The following RBFOX3 variants were observed in gnomAD, a reference collection of about 807,000 sequenced individuals.
RBFOX3 encodes the protein RNA binding fox-1 homolog 3, also known as RNA binding protein fox-1 homolog 3.
In RBFOX3, 17 loss-of-function variants were observed where a neutral mutation model predicts 48.7. The ratio of observed to expected loss-of-function variants is 0.35; its 90% CI spans 0.24 to 0.52. The LOEUF is 0.52. RBFOX3 is among the 20% of genes least tolerant of loss of function. The pLI is 0.94. For synonymous variants in RBFOX3, 212 were observed against 209.5 expected (o/e 1.01, Z -0.10); for missense variants, 382 against 497.5 (o/e 0.77, Z 2.21).
rs1349724968 is a variant in RBFOX3, at chr17:79,554,464, C to CTCCATCTTCACTCACAGTCACCCCCG, written c.-320+56361_-320+56362insCGGGGGTGACTGTGAGTGAAGATGGA. 2.3e-3 allele frequency among the ~76,000 whole-genome samples: 174 copies of CTCCATCTTCACTCACAGTCACCCCCG among 74,384 alleles called. 13 individuals are homozygous for CTCCATCTTCACTCACAGTCACCCCCG. The highest frequency in any genetic ancestry group is 6.3e-3 in the Middle Eastern group (1 of 158). The allele number at this position is 74,384 out of a possible 152,430, so 48.8% of individuals were successfully genotyped here. A position where few individuals can be genotyped will look rare whatever the true frequency, so the allele number is the denominator to read the frequency against. On this transcript the variant is annotated intron_variant, in intron 1 of 14. Transcript: ENST00000693108. ...TCCATCTTCACTCACAGTCACCCCT[C>CTCCATCTTCACTCACAGTCACCCCCG]ACCTGGCCCTCTCCATCTTCACTCA...
intron 2 of RBFOX3, among the ~76,000 whole-genome samples, chr17:79,371,860 T>C (rs1305780891): frequency 6.6e-6 from 1 of 152,142 alleles, no homozygotes; most frequent in East Asian, 1.9e-4. Flanking sequence ...GTCACGACAC[T>C]GAGATGGGGA....
intron 9 of RBFOX3, 118 bp from the exon 10 acceptor site, chr17:79,097,863 T>TCCCCGCGCCGGGCCCCC: frequency 9.1e-7 from 1 of 1,097,342 alleles, no homozygotes; most frequent in Non-Finnish European, 1.3e-6. Flanking sequence ...CCAGGGCGCC[T>TCCCCGCGCCGGGCCCCC]CCCCGCGCCG....
At chr17:79,325,086 A>G (rs1402509974) in intron 2 of RBFOX3, among the ~76,000 whole-genome samples, 1 of 152,206 alleles carries the variant, frequency 6.6e-6, no homozygotes, top group Non-Finnish European at 1.5e-5. Context: ...TTGAGGCCTG[A>G]GCCAATTTTC....
chr17:79,095,436 C>A, intron 13 of RBFOX3, 77 bp downstream of exon 13: 1 of 1,365,418 alleles, frequency 7.3e-7, no homozygotes, highest in South Asian at 1.3e-5. Flanking sequence ...TCCTGCCTGT[C>A]TGGGCCCAGC....
chr17:79,571,904 G>A (rs924627433), intron 1 of RBFOX3, among the ~76,000 whole-genome samples: 2 of 152,140 alleles, frequency 1.3e-5, no homozygotes, highest in Non-Finnish European at 2.9e-5. Context: ...CCCGGGTGTG[G>A]CCTGCTCACC....
intron 4 of RBFOX3, among the ~76,000 whole-genome samples, chr17:79,152,590 G>A (rs1698636181): frequency 6.6e-6 from 1 of 152,232 alleles, no homozygotes; most frequent in Non-Finnish European, 1.5e-5. Flanking sequence ...TCTGTAAGCT[G>A]CACAGGCGAG....
In RBFOX3 at chr17:79,358,513, T is replaced by G. The variant is rs375729806; in HGVS notation, c.-174-50689A>C. On this transcript the variant is annotated intron_variant, in intron 2 of 14. Coordinates refer to ENST00000693108, the MANE Select transcript of RBFOX3 (RefSeq NM_001350451.2). ...TTCTGCCCTGTCACTCAGGCTGGAG[T>G]GCAGTGGCATGATCTCGGCTTGCTG... 7.2e-5 allele frequency among the ~76,000 whole-genome samples: 11 copies of G among 152,314 alleles called. No homozygotes were observed. In the East Asian group the frequency reaches 1.2e-3, roughly 16 times the overall value.
At chr17:79,368,190 T>C (rs528737964) in intron 2 of RBFOX3, among the ~76,000 whole-genome samples, 32 of 152,354 alleles carry the variant, frequency 2.1e-4, no homozygotes, top group South Asian at 1.9e-3. Flanking sequence ...AGAACAACTT[T>C]TCCCCTCTCC....
intron 1 of RBFOX3, among the ~76,000 whole-genome samples, chr17:79,581,073 CCG>C (rs1411521054): frequency 6.6e-6 from 1 of 152,108 alleles, no homozygotes; most frequent in African/African-American, 2.4e-5. Flanking sequence ...TGGTGAAACC[CCG>C]TCTCTACTAA....
intron 2 of RBFOX3, among the ~76,000 whole-genome samples, chr17:79,317,614 A>G (rs776757118): frequency 5.3e-5 from 8 of 152,348 alleles, no homozygotes; most frequent in Admixed American, 1.3e-4. Flanking sequence ...CGTGGTCTCA[A>G]ACTCAAAGGG....
intron 1 of RBFOX3, among the ~76,000 whole-genome samples, chr17:79,593,134 A>C (rs2068053234): frequency 1.3e-5 from 2 of 152,026 alleles, no homozygotes; most frequent in African/African-American, 4.8e-5. Context: ...GAAACCCCTA[A>C]GAGAGGAACA....
At chr17:79,302,751 C>T (rs1048629715) in intron 3 of RBFOX3, among the ~76,000 whole-genome samples, 1 of 152,168 alleles carries the variant, frequency 6.6e-6, no homozygotes, top group African/African-American at 2.4e-5. Flanking sequence ...TTGAACTTGG[C>T]TTGTTTTGCA....
rs2086294958 is a variant in RBFOX3, at chr17:79,361,279, C to T, written c.-174-53455G>A. Among the ~76,000 whole-genome samples, 1 of 152,182 alleles carries T rather than the reference C, an allele frequency of 6.6e-6. No individual in the cohort carries two copies. Among genetic ancestry groups the T allele is most frequent in the Admixed American group, 6.5e-5 (1 of 15,288 alleles). ...TGGCCTCTTCCCTCTCCCCAGGCTGCTGGTTGGCGCCTTGATCCATTTGCC... is the reference window on the plus strand; with the variant it reads ...TGGCCTCTTCCCTCTCCCCAGGCTGTTGGTTGGCGCCTTGATCCATTTGCC... On this transcript the variant is annotated intron_variant, in intron 2 of 14. Coordinates refer to ENST00000693108, the MANE Select transcript of RBFOX3 (RefSeq NM_001350451.2). The surrounding 1 kb of genome is among the most constrained non-coding windows in gnomAD (Gnocchi z 4.5).
intron 9 of RBFOX3, chr17:79,100,351 C>T (rs981294415): frequency 3.9e-5 from 6 of 152,280 alleles, no homozygotes; most frequent in Admixed American, 6.5e-5. Flanking sequence ...AGGACGCACT[C>T]GGGATGCTTG....
At chr17:79,386,450 A>G (rs1385073857) in intron 2 of RBFOX3, among the ~76,000 whole-genome samples, 3 of 152,234 alleles carry the variant, frequency 2.0e-5, no homozygotes, top group Non-Finnish European at 4.4e-5. Context: ...AAGAGCCAGA[A>G]AGTTACTAGT....
chr17:79,190,106 C>A (rs1047099156), intron 4 of RBFOX3, among the ~76,000 whole-genome samples: 2 of 152,202 alleles, frequency 1.3e-5, no homozygotes, highest in African/African-American at 4.8e-5. Flanking sequence ...TCACCTCTTT[C>A]CCCCAATCAA....
intron 1 of RBFOX3, among the ~76,000 whole-genome samples, chr17:79,567,792 G>A (rs2092524704): frequency 6.6e-6 from 1 of 152,062 alleles, no homozygotes; most frequent in Non-Finnish European, 1.5e-5. Context: ...GTCCTTGCTG[G>A]GACTCCATCT....
At chr17:79,360,864 T>C (rs2147270524) in intron 2 of RBFOX3, among the ~76,000 whole-genome samples, 1 of 151,150 alleles carries the variant, frequency 6.6e-6, no homozygotes, top group South Asian at 2.1e-4. Context: ...TAAATTATGT[T>C]GGGGGAAGGG....
chr17:79,210,291 T>C (rs1215450902), intron 4 of RBFOX3, among the ~76,000 whole-genome samples: 4 of 152,232 alleles, frequency 2.6e-5, no homozygotes, highest in Non-Finnish European at 5.9e-5. Flanking sequence ...CCCCGGCGTC[T>C]TCACGCTAAT....
Sources: gnomAD v4.1 joint callset for allele counts (sites outside exome capture counted in the v4.1 genomes callset) on GRCh38, gnomAD v4.1.1 for gene constraint, Gnocchi (gnomAD v3.1) non-coding constraint, MANE v1.5 for transcripts, NCBI Gene and HGNC (gene_info 2026-07-23, HGNC 2026-07-21) for gene names.